Variants in DEF6 observed in about 807,000 individuals in gnomAD.
The protein encoded by DEF6 is differentially expressed in FDCP 6 homolog.
In DEF6, 32 loss-of-function variants were observed where a neutral mutation model predicts 80.5. The ratio of observed to expected loss-of-function variants is 0.40; its 90% CI spans 0.30 to 0.53. The LOEUF is 0.53. DEF6 is among the 20% of genes least tolerant of loss of function. DEF6 has a pLI of 0.57. For missense variants in DEF6, 575 were observed against 818.7 expected, an observed-to-expected ratio of 0.70 and a Z score of 3.63; for synonymous variants, 300 against 337.9, an observed-to-expected ratio of 0.89 and a Z score of 1.23.
chr6:35,310,594 T>C lies in DEF6; in HGVS notation c.373T>C (p.Phe125Leu). The C allele has an allele frequency of 6.2e-7, 1 of 1,614,180 alleles. No homozygotes were observed. Among genetic ancestry groups the C allele is most frequent in the Non-Finnish European group, 8.5e-7 (1 of 1,180,036 alleles). ...NQDAFRLWCL[F>L]NFLSEDKYPL... ...GGATGCCTTCCGCCTCTGGTGCCTC[T>C]TCAACTTCCTGTCTGAGGACAAGTA... is the stretch of plus-strand genomic sequence containing the variant. The change falls in exon 3 of 11, where the codon TTC becomes CTC. Residue 125 changes from phenylalanine to leucine, a missense_variant. Coordinates refer to ENST00000316637, the MANE Select transcript of DEF6 (RefSeq NM_022047.4).
At chr6:35,299,601 T>G (rs1287637896) in intron 1 of DEF6, among the ~76,000 whole-genome samples, 3 of 152,204 alleles carry the variant, frequency 2.0e-5, no homozygotes, top group Non-Finnish European at 4.4e-5. Context: ...TGCGTATTTC[T>G]AGGGAAATAC....
chr6:35,309,660 T>C lies in DEF6; in HGVS notation c.97-10T>C. 6.2e-7 allele frequency: 1 copy of C among 1,613,064 alleles called. No homozygotes were observed. On this transcript the variant is annotated splice_polypyrimidine_tract_variant and intron_variant, in intron 1 of 10. Transcript: ENST00000316637. ...GCAGAAAGACACACTGCCACTCTAC[T>C]CTATCCCAGGTGCTGTCCCACAACC...
At position 35,317,628 on chromosome 6, in the gene DEF6, G is replaced by T; in HGVS notation, c.808-263G>T. On this transcript the variant is annotated intron_variant, in intron 5 of 10. Coordinates refer to ENST00000316637, the MANE Select transcript of DEF6 (RefSeq NM_022047.4). ...TTCAAGCGTGATCTGCATAAACACT[G>T]AGTGGCGATTATGTACTGGGCCCCG... is the stretch of plus-strand genomic sequence containing the variant. 3 of 399,406 alleles carry T rather than the reference G, an allele frequency of 7.5e-6. No homozygotes were observed. In the South Asian group the frequency reaches 1.0e-4, roughly 13 times the overall value. 24.7% of individuals were successfully genotyped at this position (399,406 alleles called of 1,614,324 possible). A position where few individuals can be genotyped will look rare whatever the true frequency, so the allele number is the denominator to read the frequency against.
intron 1 of DEF6, among the ~76,000 whole-genome samples, chr6:35,304,313 C>T (rs990130312): frequency 5.3e-5 from 8 of 152,106 alleles, no homozygotes; most frequent in African/African-American, 1.9e-4. Flanking sequence ...AGAGTGAGAC[C>T]CAGTCTCAAA....
In DEF6 at chr6:35,310,464, G is replaced by A; in HGVS notation, c.243G>A (p.Glu81=). 6.2e-7 allele frequency: 1 copy of A among 1,613,558 alleles called. No homozygotes were observed. Among genetic ancestry groups the A allele is most frequent in the Non-Finnish European group, 8.5e-7 (1 of 1,180,016 alleles). The change falls in exon 3 of 11, where the codon GAG becomes GAA. Residue 81 remains glutamate (E), a synonymous_variant. Transcript: ENST00000316637. ...ATTTGCAGCCCTGGTGGCAGGTGGA[G>A]GAGGGGGCTTTTGTTAAAGAGCACT... The part of the protein sequence containing the change: ...YLNKYILDKV[E]EGAFVKEHFD...
rs1197227718 is a variant in DEF6, at chr6:35,321,608, C to A, written c.*198C>A. Reference sequence around the variant, plus strand: ...AGCTCCAAGCCCCAGACCATGGGAGCTGTCTGGGATGTTGATCCTTGAGAA... The same window carrying A: ...AGCTCCAAGCCCCAGACCATGGGAGATGTCTGGGATGTTGATCCTTGAGAA... On this transcript the variant is annotated 3_prime_UTR_variant, in exon 11 of 11. Transcript: ENST00000316637. 5 of 509,998 alleles carry A rather than the reference C, an allele frequency of 9.8e-6. No homozygotes were observed. The highest frequency in any genetic ancestry group is 1.7e-5 in the Non-Finnish European group (5 of 290,724). 31.6% of individuals were successfully genotyped at this position (509,998 alleles called of 1,614,324 possible).
Position 35,312,921 on chromosome 6 carries a change from G to C in DEF6, c.807+149G>C. ...AGATTAGTGTGACCCAAATATATCCGGATGCCTCAAGGCCATTCTCATCCA... is the reference window on the plus strand; with the variant it reads ...AGATTAGTGTGACCCAAATATATCCCGATGCCTCAAGGCCATTCTCATCCA... On this transcript the variant is annotated intron_variant, in intron 5 of 10. Transcript: ENST00000316637. This position sits in a 1 kb window ranked among gnomAD's most constrained non-coding sequence, Gnocchi z 6.6. The C allele has an allele frequency of 1.1e-6, 1 of 887,354 alleles. No homozygotes were observed. Among genetic ancestry groups the C allele is most frequent in the Admixed American group, 2.8e-5 (1 of 35,900 alleles). 55.0% of individuals were successfully genotyped at this position (887,354 alleles called of 1,614,324 possible).
At position 35,312,315 on chromosome 6, in the gene DEF6, T is replaced by C; in HGVS notation, c.437T>C (p.Leu146Pro). ...IMVPDEVEYL[L>P]KKVLSSMSLE... ...CTCCTGCTCCAGGTGGAATACCTGC[T>C]GAAAAAGGTACTCAGCAGCATGAGC... The change falls in exon 4 of 11, where the codon CTG becomes CCG. Residue 146 changes from leucine (L) to proline (P), a missense_variant. Physicochemically the swap from Leu to Pro is moderately conservative, Grantham distance 98. Coordinates refer to ENST00000316637, the MANE Select transcript of DEF6 (RefSeq NM_022047.4). This position sits in a 1 kb window ranked among gnomAD's most constrained non-coding sequence, Gnocchi z 6.6. The C allele has an allele frequency of 1.2e-6, 2 of 1,613,894 alleles. No individual in the cohort carries two copies. Among genetic ancestry groups the C allele is most frequent in the Non-Finnish European group, 1.7e-6 (2 of 1,179,866 alleles).
Position 35,312,915 on chromosome 6 carries a change from A to G in DEF6, c.807+143A>G, listed in dbSNP as rs1791486209. The G allele has an allele frequency of 4.1e-6, 4 of 981,794 alleles. No individual in the cohort carries two copies. In the Admixed American group the frequency reaches 1.1e-4, roughly 26 times the overall value. 60.8% of individuals were successfully genotyped at this position (981,794 alleles called of 1,614,324 possible). A position where few individuals can be genotyped will look rare whatever the true frequency, so the allele number is the denominator to read the frequency against. On this transcript the variant is annotated intron_variant, in intron 5 of 10. Transcript: ENST00000316637. The surrounding 1 kb of genome is among the most constrained non-coding windows in gnomAD (Gnocchi z 6.6). ...CTGCTTAGATTAGTGTGACCCAAAT[A>G]TATCCGGATGCCTCAAGGCCATTCT...
chr6:35,320,105 C>G, intron 9 of DEF6, 88 bp downstream of exon 9: 1 of 1,349,084 alleles, frequency 7.4e-7, no homozygotes, highest in South Asian at 1.3e-5. Context: ...TCCCTCAAAC[C>G]CTGGCCCTAG....
At position 35,318,685 on chromosome 6, in the gene DEF6, G is replaced by C. The variant is rs1054518000; in HGVS notation, c.1215+214G>C. Among the ~76,000 whole-genome samples the C allele has an allele frequency of 3.3e-5, 5 of 152,184 alleles. No homozygotes were observed. Among genetic ancestry groups the C allele is most frequent in the Non-Finnish European group, 4.4e-5 (3 of 68,020 alleles). ...GCTTCCGCCAGGGACAGAACCTGGG[G>C]CTAGGAAAGGGGTGTGGGGCGAGGT... On this transcript the variant is annotated intron_variant, in intron 7 of 10. Transcript: ENST00000316637. The surrounding 1 kb of genome is among the most constrained non-coding windows in gnomAD (Gnocchi z 5.1).
In DEF6 at chr6:35,320,586, C is replaced by T. The variant is rs556992709; in HGVS notation, c.1582-298C>T. On this transcript the variant is annotated intron_variant, in intron 9 of 10. Transcript: ENST00000316637. ...CTCTTTTGAACTTTTTTGTTGTTAA[C>T]TTCTGCTCTGGAAGTTAAATAAGAT... Among the ~76,000 whole-genome samples the T allele has an allele frequency of 7.2e-5, 11 of 152,300 alleles. No homozygotes were observed. In the East Asian group the frequency reaches 1.9e-3, roughly 27 times the overall value.
chr6:35,321,239 T>G lies in DEF6; in HGVS notation c.1725T>G (p.Leu575=). Residue 575 remains leucine, a synonymous_variant, in exon 11 of 11, where the codon CTT becomes CTG. Transcript: ENST00000316637. ...TCTCAGGCTTCCAGCCCCCTCTGCT[T>G]GCCCACCGTGACTCCTCCCTAAAGC... ...SSFSGFQPPL[L]AHRDSSLKRL... is the part of the protein sequence containing the mutation. 2 of 1,613,348 alleles carry G rather than the reference T, an allele frequency of 1.2e-6. No individual in the cohort carries two copies. The highest frequency in any genetic ancestry group is 1.7e-6 in the Non-Finnish European group (2 of 1,179,958).
chr6:35,317,493 C>A lies in DEF6; in HGVS notation c.808-398C>A, dbSNP rs140928151. ...CCAACCCCTGGAGCAGTGAGTGGCA[C>A]TCAGTAGGCACTCCAAAAACATCTG... On this transcript the variant is annotated intron_variant, in intron 5 of 10. Transcript: ENST00000316637. The A allele has an allele frequency of 3.2e-3, 517 of 160,542 alleles. 2 individuals are homozygous for A. The highest frequency in any genetic ancestry group is 0.011 in the African/African-American group (478 of 41,724). 9.9% of individuals were successfully genotyped at this position (160,542 alleles called of 1,614,324 possible). A position where few individuals can be genotyped will look rare whatever the true frequency, so the allele number is the denominator to read the frequency against.
chr6:35,312,842 G>A lies in DEF6; in HGVS notation c.807+70G>A. The A allele has an allele frequency of 6.6e-7, 1 of 1,522,054 alleles. No homozygotes were observed. Among genetic ancestry groups the A allele is most frequent in the Non-Finnish European group, 8.9e-7 (1 of 1,122,138 alleles). The allele number at this position is 1,522,054 out of a possible 1,614,324, so 94.3% of individuals were successfully genotyped here. A position where few individuals can be genotyped will look rare whatever the true frequency, so the allele number is the denominator to read the frequency against. On this transcript the variant is annotated intron_variant, in intron 5 of 10. Transcript: ENST00000316637. The surrounding 1 kb of genome is among the most constrained non-coding windows in gnomAD (Gnocchi z 6.6). ...GTCCTCAGGGGCATGAGAAGACAAG[G>A]GGGTCAGGAGAGGGGCAAATGGAGA...
Position 35,318,140 on chromosome 6 carries a change from G to T in DEF6, c.917-33G>T. ...AAGGCCCCTTTCGGGCCGTGTGCGA[G>T]GATCCTACTGACCCGCTCCCGCTCT... On this transcript the variant is annotated intron_variant, in intron 6 of 10. Coordinates refer to ENST00000316637, the MANE Select transcript of DEF6 (RefSeq NM_022047.4). The surrounding 1 kb of genome is among the most constrained non-coding windows in gnomAD (Gnocchi z 5.1). 6.5e-7 allele frequency: 1 copy of T among 1,535,774 alleles called. No individual in the cohort carries two copies.
Position 35,319,708 on chromosome 6 carries a change from C to T in DEF6, c.1382+18C>T, listed in dbSNP as rs1791565539. The T allele has an allele frequency of 1.2e-6, 2 of 1,607,476 alleles. No homozygotes were observed. Among genetic ancestry groups the T allele is most frequent in the East Asian group, 2.2e-5 (1 of 44,742 alleles). ...CAGACCAGGTAGGCCTGAGGAACCT[C>T]TTCTGGTTCTCTCACCACCCCTCCT... On this transcript the variant is annotated intron_variant, in intron 8 of 10. Transcript: ENST00000316637. The surrounding 1 kb of genome is among the most constrained non-coding windows in gnomAD (Gnocchi z 4.5).
In DEF6 at chr6:35,321,276, T is replaced by G. The variant is rs772270412; in HGVS notation, c.1762T>G (p.Trp588Gly). The stretch of plus-strand genomic sequence containing the variant: ...CTCCTCCCTAAAGCGCCTGACCCGC[T>G]GGGGATCCCAGGGCAACAGGACCCC... Reference protein sequence around the residue: ...RDSSLKRLTRWGSQGNRTPSP... With the variant: ...RDSSLKRLTRGGSQGNRTPSP... Residue 588 changes from tryptophan to glycine, a missense_variant, in exon 11 of 11, where the codon TGG becomes GGG. Transcript: ENST00000316637. 6.2e-6 allele frequency: 10 copies of G among 1,613,362 alleles called. No homozygotes were observed. In the East Asian group the frequency reaches 2.0e-4, roughly 32 times the overall value.
At position 35,317,875 on chromosome 6, in the gene DEF6, A is replaced by G. The variant is rs751269561; in HGVS notation, c.808-16A>G. ...CAGTGAGGCCAGCCTGGCTGCGGCC[A>G]CCTACCCTGTGCCAGGTGCTGCCAG... On this transcript the variant is annotated splice_polypyrimidine_tract_variant and intron_variant, in intron 5 of 10. Transcript: ENST00000316637. 1 of 1,610,454 alleles carries G rather than the reference A, an allele frequency of 6.2e-7. No homozygotes were observed.
Sources: gnomAD v4.1 joint callset for allele counts (sites outside exome capture counted in the v4.1 genomes callset) on GRCh38, gnomAD v4.1.1 for gene constraint, Gnocchi (gnomAD v3.1) non-coding constraint, MANE v1.5 for transcripts, NCBI Gene and HGNC (gene_info 2026-07-23, HGNC 2026-07-21) for gene names.